Variants in MUC22 observed in about 807,000 individuals in gnomAD.
MUC22 encodes mucin-22.
In MUC22, 24 loss-of-function variants were observed where a neutral mutation model predicts 40.3. That is an observed-to-expected ratio of 0.60 (90% confidence interval 0.43 to 0.84). The LOEUF (loss-of-function observed/expected upper bound fraction) is 0.84. MUC22 is among the 40% of genes least tolerant of loss of function. The probability of loss-of-function intolerance (pLI) is 0.00; values close to 1 mark genes in which losing one functional copy is unlikely to be tolerated. For missense variants in MUC22, 1,926 were observed against 2,130.7 expected, an observed-to-expected ratio of 0.90 and a Z score of 1.89; for synonymous variants, 765 against 844.5, an observed-to-expected ratio of 0.91 and a Z score of 1.63.
chr6:31,020,293 TAAA>T (rs2150761989), intron 1 of MUC22, among the ~76,000 whole-genome samples: 1 of 151,982 alleles, frequency 6.6e-6, no homozygotes, highest in Admixed American at 6.5e-5. Context: ...AACCAGAAGA[TAAA>T]GAAGCAACAT....
At chr6:31,006,400 C>G (rs1763523969), upstream of MUC22, among the ~76,000 whole-genome samples, 1 of 152,116 alleles carries the variant, frequency 6.6e-6, no homozygotes, top group African/African-American at 2.4e-5. Context: ...AGTCAAGAGT[C>G]AATGGTTGCC....
At chr6:31,019,965 G>C (rs114224709) in intron 1 of MUC22, among the ~76,000 whole-genome samples, 15,950 of 152,144 alleles carry the variant, frequency 0.1, 988 homozygotes, top group Middle Eastern at 0.14. Context: ...TGAATGAATA[G>C]AATACCAGTG....
At chr6:31,023,513 A>G (rs1235583672) in intron 1 of MUC22, among the ~76,000 whole-genome samples, 1 of 152,112 alleles carries the variant, frequency 6.6e-6, no homozygotes, top group East Asian at 1.9e-4. Context: ...CCACTGCATT[A>G]TAGCCTGAGT....
exon 2 of MUC22, chr6:31,029,355 C>A: frequency 6.5e-7 from 1 of 1,535,288 alleles, no homozygotes; most frequent in South Asian, 1.2e-5. Context: ...CTACCACCAC[C>A]TCTACTGAAG....
chr6:31,018,826 C>T (rs1253266658), intron 1 of MUC22, among the ~76,000 whole-genome samples: 1 of 152,252 alleles, frequency 6.6e-6, no homozygotes, highest in Non-Finnish European at 1.5e-5. Context: ...CTCTTGACTT[C>T]CTTGATTCAC....
exon 2 of MUC22, chr6:31,025,660 T>G (rs1765225210): frequency 6.6e-7 from 1 of 1,524,090 alleles, no homozygotes; most frequent in Admixed American, 2.0e-5. Context: ...TGAGACAACC[T>G]CAGCCTCCAC....
At chr6:31,033,072 C>T (rs1042958851) in intron 3 of MUC22, among the ~76,000 whole-genome samples, 5 of 151,860 alleles carry the variant, frequency 3.3e-5, no homozygotes, top group South Asian at 2.1e-4. Context: ...GGCTGAGGCA[C>T]GAGAATTGCT....
At chr6:31,017,682 C>A (rs1391759760) in intron 1 of MUC22, among the ~76,000 whole-genome samples, 1 of 152,320 alleles carries the variant, frequency 6.6e-6, no homozygotes, top group Non-Finnish European at 1.5e-5. Context: ...TTGTGTCTAG[C>A]TCAGGGATTG....
Position 31,026,244 on chromosome 6 carries a change from TA to T in MUC22, c.814del (p.Thr272ProfsTer10). The T allele has an allele frequency of 1.3e-6, 2 of 1,529,036 alleles. No homozygotes were observed. The highest frequency in any genetic ancestry group is 1.7e-6 in the Non-Finnish European group (2 of 1,143,072). The allele number at this position is 1,529,036 out of a possible 1,614,324, so 94.7% of individuals were successfully genotyped here. Reference sequence around the variant, plus strand: ...CAGGCTCTAACACCACCACAGCCTCTACCACAGGCTCTGAGACCACTACAAT... The same window carrying T: ...CAGGCTCTAACACCACCACAGCCTCTCCACAGGCTCTGAGACCACTACAAT... On this transcript the variant is annotated frameshift_variant, in exon 2 of 4. Transcript: ENST00000561890. LOFTEE classifies it high-confidence loss of function.
chr6:31,029,074 A>T (rs1326064734), exon 2 of MUC22: 1 of 1,534,856 alleles, frequency 6.5e-7, no homozygotes, highest in Admixed American at 2.0e-5. Context: ...AGGCTCTGAG[A>T]CCACTACAGT....
chr6:31,008,209 T>C (rs1053934506), upstream of MUC22, among the ~76,000 whole-genome samples: 3 of 152,218 alleles, frequency 2.0e-5, no homozygotes, highest in Non-Finnish European at 1.5e-5. Context: ...CTTACTAACT[T>C]TGTGAGTTTG....
chr6:31,025,096 C>T lies in MUC22; in HGVS notation c.71-406C>T, dbSNP rs188572888. On this transcript the variant is annotated intron_variant, in intron 1 of 3. Transcript: ENST00000561890. Reference sequence around the variant, plus strand: ...ATTGGTCAGGCTGGTCTTGAACTCCCGGCCTCAGGTGATCCGCCTGGGATT... The same window carrying T: ...ATTGGTCAGGCTGGTCTTGAACTCCTGGCCTCAGGTGATCCGCCTGGGATT... Among the ~76,000 whole-genome samples the T allele has an allele frequency of 1.0e-3, 153 of 152,154 alleles. 4 individuals are homozygous for T. In the East Asian group the frequency reaches 0.018, roughly 17 times the overall value.
intron 1 of MUC22, 115 bp downstream of exon 1, chr6:31,010,891 ATTTTTTTT>A: frequency 3.6e-6 from 2 of 548,028 alleles, no homozygotes; most frequent in Non-Finnish European, 6.4e-6. Context: ...ATGATGATTC[ATTTTTTTT>A]TTTTTTTTTT....
At chr6:31,017,085 C>T (rs1230589644) in intron 1 of MUC22, among the ~76,000 whole-genome samples, 2 of 152,254 alleles carry the variant, frequency 1.3e-5, no homozygotes, top group African/African-American at 2.4e-5. Context: ...CTCCCCCACG[C>T]CGCCATGGGC....
At chr6:31,018,619 G>A (rs3906267) in intron 1 of MUC22, among the ~76,000 whole-genome samples, 22,128 of 152,242 alleles carry the variant, frequency 0.15, 1,769 homozygotes, top group African/African-American at 0.19. Flanking sequence ...TATGAAATCC[G>A]TAAGCCTCCA....
At chr6:31,018,221 C>G (rs1289542266) in intron 1 of MUC22, among the ~76,000 whole-genome samples, 4 of 152,080 alleles carry the variant, frequency 2.6e-5, no homozygotes, top group Non-Finnish European at 5.9e-5. Context: ...GAGATAAAAC[C>G]CTAAGCTGTT....
At chr6:31,018,836 C>A (rs1231206565) in intron 1 of MUC22, among the ~76,000 whole-genome samples, 1 of 152,234 alleles carries the variant, frequency 6.6e-6, no homozygotes, top group African/African-American at 2.4e-5. Flanking sequence ...CCTTGATTCA[C>A]TTTTTAGAGT....
exon 2 of MUC22, chr6:31,028,464 C>T (rs1038264142): frequency 1.3e-6 from 2 of 1,534,462 alleles, no homozygotes; most frequent in South Asian, 1.2e-5. Flanking sequence ...CTACTACAGG[C>T]TCTGAGACCA....
At chr6:31,027,656 G>A in exon 2 of MUC22, 1 of 1,529,666 alleles carries the variant, frequency 6.5e-7, no homozygotes, top group Non-Finnish European at 8.7e-7. Context: ...TCTAATACAG[G>A]CTTGGAGACC....
Sources: allele counts gnomAD v4.1 joint callset (sites outside exome capture counted in the v4.1 genomes callset), GRCh38; gene constraint gnomAD v4.1.1; transcripts MANE v1.5; gene names NCBI Gene and HGNC (gene_info 2026-07-23, HGNC 2026-07-21).